Variants in TMPRSS15 observed in about 807,000 individuals in gnomAD.
TMPRSS15 encodes enteropeptidase.
Under a neutral mutation model 125.3 loss-of-function variants are expected in TMPRSS15, and 128 were observed. The observed-to-expected ratio is 1.02, with a 90% CI of 0.89 to 1.18. The LOEUF (loss-of-function observed/expected upper bound fraction) is 1.18, where lower values mean the gene tolerates loss of function less well. Among genes scored for constraint, TMPRSS15 ranks in the 50% most tolerant of loss-of-function variants. The pLI is 0.00. For synonymous variants in TMPRSS15, 446 were observed against 423.2 expected (o/e 1.05, Z -0.66); for missense variants, 1,283 against 1,212.7 (o/e 1.06, Z -0.86).
chr21:18,363,764 A>G (rs765565756), intron 7 of TMPRSS15, among the ~76,000 whole-genome samples: 3 of 152,112 alleles, frequency 2.0e-5, no homozygotes, highest in Non-Finnish European at 1.5e-5. Flanking sequence ...ATAGATATAT[A>G]AACACATACA....
At chr21:18,286,932 A>G (rs958911495) in intron 21 of TMPRSS15, among the ~76,000 whole-genome samples, 1 of 152,186 alleles carries the variant, frequency 6.6e-6, no homozygotes, top group Admixed American at 6.5e-5. Flanking sequence ...GTTTGCTGTT[A>G]CCTTCAAAGA....
At chr21:18,276,491 A>G (rs1248860851) in intron 23 of TMPRSS15, among the ~76,000 whole-genome samples, 1 of 152,218 alleles carries the variant, frequency 6.6e-6, no homozygotes, top group Non-Finnish European at 1.5e-5. Flanking sequence ...ACTGTTATCC[A>G]TTCTATGAGG....
chr21:18,384,124 T>G (rs752983474), intron 3 of TMPRSS15, among the ~76,000 whole-genome samples: 3 of 152,172 alleles, frequency 2.0e-5, no homozygotes, highest in Non-Finnish European at 4.4e-5. Context: ...CTGATTTTAC[T>G]GTTTGGAGAA....
chr21:18,451,696 A>G (rs1288879186), intron 1 of TMPRSS15, among the ~76,000 whole-genome samples: 1 of 152,122 alleles, frequency 6.6e-6, no homozygotes, highest in African/African-American at 2.4e-5. Flanking sequence ...AACATGTTTC[A>G]CTTGTTATTA....
At chr21:18,451,211 T>A (rs575903636) in intron 1 of TMPRSS15, among the ~76,000 whole-genome samples, 1 of 152,202 alleles carries the variant, frequency 6.6e-6, no homozygotes, top group Non-Finnish European at 1.5e-5. Flanking sequence ...AAGCCCATCA[T>A]AAACATGAAA....
At chr21:18,458,136 G>A (rs1978477715) in intron 1 of TMPRSS15, among the ~76,000 whole-genome samples, 1 of 152,118 alleles carries the variant, frequency 6.6e-6, no homozygotes, top group Non-Finnish European at 1.5e-5. Context: ...GTATAAGGAG[G>A]ATTGAGGTTA....
At chr21:18,328,200 C>T (rs1264051252) in intron 15 of TMPRSS15, among the ~76,000 whole-genome samples, 1 of 151,974 alleles carries the variant, frequency 6.6e-6, no homozygotes, top group Non-Finnish European at 1.5e-5. Flanking sequence ...TCTGTAATAG[C>T]ACAAAAATTT....
intron 1 of TMPRSS15, among the ~76,000 whole-genome samples, chr21:18,413,312 T>TCCTTCCTTCC: frequency 2.1e-5 from 2 of 94,862 alleles, no homozygotes; most frequent in South Asian, 4.1e-4. Flanking sequence ...TTTTCTTTCT[T>TCCTTCCTTCC]TTCCTTCCTT....
intron 1 of TMPRSS15, among the ~76,000 whole-genome samples, chr21:18,461,900 A>C (rs1454538438): frequency 6.6e-6 from 1 of 152,012 alleles, no homozygotes; most frequent in Non-Finnish European, 1.5e-5. Context: ...GTTTCTTTCT[A>C]TGTCTTTGGT....
chr21:18,460,389 CTCTT>C (rs747075218), intron 1 of TMPRSS15, among the ~76,000 whole-genome samples: 4 of 152,116 alleles, frequency 2.6e-5, no homozygotes, highest in East Asian at 1.9e-4. Flanking sequence ...ACTTTTCTTT[CTCTT>C]TCTATGTAGT....
chr21:18,344,750 A>G (rs575133740), intron 10 of TMPRSS15, among the ~76,000 whole-genome samples: 1 of 152,330 alleles, frequency 6.6e-6, no homozygotes, highest in South Asian at 2.1e-4. Context: ...TGTTGGGATA[A>G]CATTTTGAAC....
At chr21:18,402,235 A>C (rs2076101320) in intron 1 of TMPRSS15, among the ~76,000 whole-genome samples, 2 of 152,182 alleles carry the variant, frequency 1.3e-5, no homozygotes, top group South Asian at 4.1e-4. Context: ...AGGTAAAACT[A>C]AAATCACTCA....
At chr21:18,391,119 G>T (rs1266843007) in intron 3 of TMPRSS15, among the ~76,000 whole-genome samples, 2 of 152,180 alleles carry the variant, frequency 1.3e-5, no homozygotes, top group African/African-American at 2.4e-5. Context: ...TGAGATTTGT[G>T]TGGGGACACA....
intron 1 of TMPRSS15, among the ~76,000 whole-genome samples, chr21:18,408,957 A>G (rs938278188): frequency 1.3e-5 from 2 of 152,090 alleles, no homozygotes; most frequent in African/African-American, 4.8e-5. Context: ...TTCAATTTTA[A>G]TTGAGTATGT....
At chr21:18,448,933 T>C (rs1296132604) in intron 1 of TMPRSS15, among the ~76,000 whole-genome samples, 2 of 152,128 alleles carry the variant, frequency 1.3e-5, no homozygotes, top group Non-Finnish European at 2.9e-5. Flanking sequence ...CTAGTATATC[T>C]TTTTTTGAAA....
In TMPRSS15 at chr21:18,415,526, G is replaced by C. The variant is rs73893097; in HGVS notation, c.11-17197C>G. Among the ~76,000 whole-genome samples the C allele has an allele frequency of 4.5e-3, 687 of 152,142 alleles. 5 individuals are homozygous for C. Among genetic ancestry groups the C allele is most frequent in the African/African-American group, 0.016 (666 of 41,536 alleles). ...TTTAGTCCATTTTTGTTTGATTTTT[G>C]TGAGTGGTGTTAGGCAGAGATCTAT... On this transcript the variant is annotated intron_variant, in intron 1 of 7. Coordinates refer to the TMPRSS15 transcript ENST00000422787.
At chr21:18,372,157 A>T (rs374439844) in intron 6 of TMPRSS15, 36 bp downstream of exon 6, 152 of 1,528,404 alleles carry the variant, frequency 9.9e-5, no homozygotes, top group Non-Finnish European at 1.3e-4. Flanking sequence ...GAGGGAGGAT[A>T]AAACAGAAGG....
At chr21:18,370,161 C>T (rs2075778605) in intron 6 of TMPRSS15, among the ~76,000 whole-genome samples, 1 of 151,950 alleles carries the variant, frequency 6.6e-6, no homozygotes, top group African/African-American at 2.4e-5. Flanking sequence ...CATTCTAATA[C>T]TGAGGCTCAT....
chr21:18,276,127 T>C lies in TMPRSS15; in HGVS notation c.2765-791A>G, dbSNP rs942340867. On this transcript the variant is annotated intron_variant, in intron 23 of 24. Coordinates refer to ENST00000284885, the MANE Select transcript of TMPRSS15 (RefSeq NM_002772.3). Reference sequence around the variant, plus strand: ...TTGACAGCCATTGATGCTGAAAAAATTTATGTGACCTCATTTCTAGCTAAA... The same window carrying C: ...TTGACAGCCATTGATGCTGAAAAAACTTATGTGACCTCATTTCTAGCTAAA... Among the ~76,000 whole-genome samples, 44 of 152,290 alleles carry C rather than the reference T, an allele frequency of 2.9e-4. 1 individual carries two copies. Among genetic ancestry groups the C allele is most frequent in the African/African-American group, 1.0e-3 (43 of 41,554 alleles).
Sources: allele counts gnomAD v4.1 joint callset (sites outside exome capture counted in the v4.1 genomes callset), GRCh38; gene constraint gnomAD v4.1.1; transcripts MANE v1.5; gene names NCBI Gene and HGNC (gene_info 2026-07-23, HGNC 2026-07-21).